Variants in GABRB1 observed in about 807,000 individuals in gnomAD.
The protein encoded by GABRB1 is gamma-aminobutyric acid type A receptor subunit beta1.
Under a neutral mutation model 51.6 loss-of-function variants are expected in GABRB1, and 17 were observed. That is an observed-to-expected ratio of 0.33 (90% CI 0.23 to 0.49). GABRB1 has a LOEUF of 0.49. GABRB1 is among the 20% of genes least tolerant of loss of function. The pLI, the probability that GABRB1 is intolerant of heterozygous loss-of-function variation, is 0.99. For synonymous variants in GABRB1, 247 were observed against 218.9 expected (o/e 1.13, Z -1.14); for missense variants, 410 against 600.6 (o/e 0.68, Z 3.32).
intron 1 of GABRB1, among the ~76,000 whole-genome samples, chr4:47,005,595 T>C (rs1194381237): frequency 6.6e-6 from 1 of 150,816 alleles, no homozygotes; most frequent in African/African-American, 2.4e-5. Flanking sequence ...ATTTCAGTCA[T>C]AAGGTAAAAA....
At chr4:47,144,801 C>G (rs937309995) in intron 3 of GABRB1, among the ~76,000 whole-genome samples, 2 of 147,950 alleles carry the variant, frequency 1.4e-5, no homozygotes, top group African/African-American at 4.9e-5. Context: ...GTGTGTCATG[C>G]TTGCCTCATA....
rs200872698 is a variant in GABRB1, at chr4:47,036,862, AAAAAAAAG to A, written c.240+4398_240+4405del. ...TATGTGATAGAGCAAAACAGTCTTA[AAAAAAAAG>A]AAAAAAAGAAAAAAAGAAAGAAAAG... On this transcript the variant is annotated intron_variant, in intron 3 of 8. Transcript: ENST00000295454. Among the ~76,000 whole-genome samples the A allele has an allele frequency of 1.1e-3, 165 of 151,868 alleles. 2 individuals carry two copies. Among genetic ancestry groups the A allele is most frequent in the East Asian group, 8.9e-3 (46 of 5,166 alleles).
intron 3 of GABRB1, among the ~76,000 whole-genome samples, chr4:47,140,203 G>A (rs948400117): frequency 2.0e-5 from 3 of 151,566 alleles, no homozygotes; most frequent in Non-Finnish European, 2.9e-5. Context: ...TGTGAACACT[G>A]TGAGATATAA....
chr4:47,113,992 C>T (rs1024501721), intron 3 of GABRB1, among the ~76,000 whole-genome samples: 1 of 152,184 alleles, frequency 6.6e-6, no homozygotes, highest in Non-Finnish European at 1.5e-5. Flanking sequence ...AGCCTTACGG[C>T]AATTTAAGTC....
chr4:47,242,000 T>C (rs1441116125), intron 4 of GABRB1, among the ~76,000 whole-genome samples: 1 of 152,170 alleles, frequency 6.6e-6, no homozygotes, highest in East Asian at 1.9e-4. Context: ...ACTGGTCATT[T>C]ACATTAGGTA....
At chr4:47,393,838 C>CA (rs1241701526) in intron 5 of GABRB1, among the ~76,000 whole-genome samples, 8 of 152,226 alleles carry the variant, frequency 5.3e-5, no homozygotes, top group African/African-American at 1.9e-4. Context: ...AAGGCCACAC[C>CA]TAACCCACTG....
At chr4:47,247,099 G>A (rs879669724) in intron 4 of GABRB1, among the ~76,000 whole-genome samples, 7 of 151,906 alleles carry the variant, frequency 4.6e-5, no homozygotes, top group Admixed American at 1.3e-4. Flanking sequence ...ATCCTTGCCT[G>A]AGCCAGCATC....
chr4:47,388,179 AAAT>A (rs1215538110), intron 5 of GABRB1, among the ~76,000 whole-genome samples: 11 of 152,356 alleles, frequency 7.2e-5, no homozygotes, highest in African/African-American at 2.4e-4. Context: ...AGCTGCAATT[AAAT>A]GTTTTATAGT....
chr4:47,266,052 T>G (rs2109886105), intron 4 of GABRB1, among the ~76,000 whole-genome samples: 1 of 152,310 alleles, frequency 6.6e-6, no homozygotes, highest in East Asian at 1.9e-4. Context: ...CAAGATTTTC[T>G]TCTACAATTT....
At chr4:47,125,980 A>G (rs1716118826) in intron 3 of GABRB1, among the ~76,000 whole-genome samples, 2 of 150,714 alleles carry the variant, frequency 1.3e-5, no homozygotes, top group African/African-American at 4.9e-5. Context: ...GATTGTGCAT[A>G]TATTGCCTAA....
intron 4 of GABRB1, among the ~76,000 whole-genome samples, chr4:47,310,714 G>A (rs1480026686): frequency 6.6e-6 from 1 of 152,070 alleles, no homozygotes; most frequent in Non-Finnish European, 1.5e-5. Context: ...TATTGGAGTG[G>A]AAAAGGCTTC....
chr4:47,066,198 G>A (rs1197600782), intron 3 of GABRB1, among the ~76,000 whole-genome samples: 2 of 152,202 alleles, frequency 1.3e-5, no homozygotes, highest in Admixed American at 6.5e-5. Context: ...TCTATTAAGT[G>A]TGCAATAGCA....
intron 1 of GABRB1, among the ~76,000 whole-genome samples, chr4:47,019,888 A>ATATATG (rs56015998): frequency 0.42 from 58,583 of 139,478 alleles, 12,567 homozygotes; most frequent in Non-Finnish European, 0.45. Flanking sequence ...TATATATATA[A>ATATATG]TATATGTATA....
At chr4:47,288,191 G>A (rs1723584074) in intron 4 of GABRB1, among the ~76,000 whole-genome samples, 1 of 152,010 alleles carries the variant, frequency 6.6e-6, no homozygotes, top group African/African-American at 2.4e-5. Flanking sequence ...TAGTATGTCT[G>A]CACCACCCAC....
intron 4 of GABRB1, among the ~76,000 whole-genome samples, chr4:47,303,069 G>A (rs972630486): frequency 1.3e-5 from 2 of 151,830 alleles, no homozygotes; most frequent in Non-Finnish European, 2.9e-5. Flanking sequence ...TAGTTTGAGA[G>A]GTGGTGGTAG....
intron 4 of GABRB1, among the ~76,000 whole-genome samples, chr4:47,273,493 G>A (rs766412562): frequency 1.3e-4 from 20 of 152,124 alleles, no homozygotes; most frequent in Non-Finnish European, 2.9e-4. Flanking sequence ...TCACAAGGCG[G>A]TGCTTCTGGG....
At chr4:47,066,018 C>G (rs1444281950) in intron 3 of GABRB1, among the ~76,000 whole-genome samples, 2 of 151,988 alleles carry the variant, frequency 1.3e-5, no homozygotes, top group African/African-American at 2.4e-5. Context: ...TTGAAAAAAC[C>G]AACTTAATTA....
chr4:47,241,070 G>A (rs1192725011), intron 4 of GABRB1, among the ~76,000 whole-genome samples: 1 of 152,022 alleles, frequency 6.6e-6, no homozygotes, highest in Non-Finnish European at 1.5e-5. Context: ...AGTTTCAGAA[G>A]TTTCCAATTC....
At chr4:47,297,075 C>A (rs917288917) in intron 4 of GABRB1, among the ~76,000 whole-genome samples, 1 of 152,072 alleles carries the variant, frequency 6.6e-6, no homozygotes, top group East Asian at 1.9e-4. Flanking sequence ...AACAAAGACA[C>A]AACATACCAG....
Sources: allele counts gnomAD v4.1 joint callset (sites outside exome capture counted in the v4.1 genomes callset), GRCh38; gene constraint gnomAD v4.1.1; transcripts MANE v1.5; gene names NCBI Gene and HGNC (gene_info 2026-07-23, HGNC 2026-07-21).